AGPAT3: variants seen among roughly 807,000 people sequenced by gnomAD.
AGPAT3 encodes 1-acyl-sn-glycerol-3-phosphate acyltransferase gamma.
AGPAT3 carries 5 observed loss-of-function variants against 47.3 expected under a neutral mutation model. That is an observed-to-expected ratio of 0.11 (90% CI 0.06 to 0.22). The LOEUF (loss-of-function observed/expected upper bound fraction) is 0.22, where lower values mean the gene tolerates loss of function less well. Among genes scored for constraint, AGPAT3 ranks in the 10% least tolerant of loss-of-function variants. The pLI, the probability that AGPAT3 is intolerant of heterozygous loss-of-function variation, is 1.00. For synonymous variants in AGPAT3, 212 were observed against 208.3 expected (o/e 1.02, Z -0.15); for missense variants, 315 against 493.0 (o/e 0.64, Z 3.42).
intron 1 of AGPAT3, among the ~76,000 whole-genome samples, chr21:43,902,404 C>G (rs2086378277): frequency 6.6e-6 from 1 of 152,234 alleles, no homozygotes; most frequent in African/African-American, 2.4e-5. Context: ...GATATATACA[C>G]TGTCTTTGTC....
At chr21:43,871,607 G>C (rs1377007446) in intron 1 of AGPAT3, among the ~76,000 whole-genome samples, 1 of 152,214 alleles carries the variant, frequency 6.6e-6, no homozygotes, top group Non-Finnish European at 1.5e-5. Flanking sequence ...GCAAAGTGTT[G>C]TGCAGTTGTG....
chr21:43,965,055 G>C (rs1274243767), intron 3 of AGPAT3: 1 of 152,638 alleles, frequency 6.6e-6, no homozygotes, highest in Non-Finnish European at 1.5e-5. Flanking sequence ...CAGCCTCCTT[G>C]AGTAGCTGAG....
In AGPAT3 at chr21:43,952,005, C is replaced by T. The variant is rs1433761095; in HGVS notation, c.-48-7629C>T. On this transcript the variant is annotated intron_variant, in intron 2 of 9. Coordinates refer to ENST00000291572, the MANE Select transcript of AGPAT3 (RefSeq NM_020132.5). This position sits in a 1 kb window ranked among gnomAD's most constrained non-coding sequence, Gnocchi z 5.6. The stretch of plus-strand genomic sequence containing the variant: ...GGAAGAGGGTCACAGGGACCAGCGA[C>T]GGGGAGGAGGGTCCACATGCTGCAG... 5.3e-5 allele frequency among the ~76,000 whole-genome samples: 8 copies of T among 151,932 alleles called. No individual in the cohort carries two copies. The highest frequency in any genetic ancestry group is 1.0e-4 in the Non-Finnish European group (7 of 67,998).
At chr21:43,943,651 G>A (rs1190748283) in intron 2 of AGPAT3, among the ~76,000 whole-genome samples, 5 of 152,120 alleles carry the variant, frequency 3.3e-5, no homozygotes, top group African/African-American at 9.7e-5. Flanking sequence ...GGTTCCCTGC[G>A]CCTGGCCTGC....
At position 43,958,870 on chromosome 21, in the gene AGPAT3, GGTGT is replaced by G. The variant is rs1042795075; in HGVS notation, c.-48-760_-48-757del. On this transcript the variant is annotated intron_variant, in intron 2 of 9. Transcript: ENST00000291572. ...CATGTGTGGTTTGCGGTGTGTGTGT[GGTGT>G]GTGGTGTGTATGGTGTGTGTGTGGG... Among the ~76,000 whole-genome samples the G allele has an allele frequency of 1.5e-4, 21 of 141,772 alleles. 1 individual carries two copies. The highest frequency in any genetic ancestry group is 4.5e-4 in the African/African-American group (17 of 38,114). 93.0% of individuals were successfully genotyped at this position (141,772 alleles called of 152,430 possible). A position where few individuals can be genotyped will look rare whatever the true frequency, so the allele number is the denominator to read the frequency against.
Position 43,934,140 on chromosome 21 carries a change from T to C in AGPAT3, c.-48-25494T>C, listed in dbSNP as rs192584686. On this transcript the variant is annotated intron_variant, in intron 2 of 9. Coordinates refer to ENST00000291572, the MANE Select transcript of AGPAT3 (RefSeq NM_020132.5). This position sits in a 1 kb window ranked among gnomAD's most constrained non-coding sequence, Gnocchi z 4.7. ...CTGGATGCTGGAGAACAGGCAGACA[T>C]GGGTGCCCGGCACGCCAGCTCCCCG... is the stretch of plus-strand genomic sequence containing the variant. 5.4e-3 allele frequency among the ~76,000 whole-genome samples: 824 copies of C among 152,316 alleles called. 8 individuals carry two copies. Among genetic ancestry groups the C allele is most frequent in the African/African-American group, 0.019 (778 of 41,562 alleles).
At chr21:43,961,686 T>C (rs1340964585) in intron 3 of AGPAT3, among the ~76,000 whole-genome samples, 3 of 151,922 alleles carry the variant, frequency 2.0e-5, no homozygotes, top group African/African-American at 7.3e-5. Flanking sequence ...ATAGATACTT[T>C]GTCTCATGTG....
chr21:43,968,574 C>T (rs1361712078), intron 4 of AGPAT3, among the ~76,000 whole-genome samples: 1 of 151,882 alleles, frequency 6.6e-6, no homozygotes, highest in Non-Finnish European at 1.5e-5. Context: ...CCCTGGGGTC[C>T]GAGTCCCTGG....
rs1438593219 is a variant in AGPAT3 at position 43,985,202 on chromosome 21, C to T, written c.*2810C>T. 8.8e-6 allele frequency: 4 copies of T among 456,190 alleles called. No homozygotes were observed. The highest frequency in any genetic ancestry group is 1.4e-4 in the East Asian group (2 of 14,398). The allele number at this position is 456,190 out of a possible 1,614,324, so 28.3% of individuals were successfully genotyped here. A position where few individuals can be genotyped will look rare whatever the true frequency, so the allele number is the denominator to read the frequency against. ...TCTCCTGCCCATCTTCCCAAGGATG[C>T]CATTGCTGTCTTCATCGTCTTCCCC... On this transcript the variant is annotated 3_prime_UTR_variant, in exon 10 of 10. Coordinates refer to ENST00000291572, the MANE Select transcript of AGPAT3 (RefSeq NM_020132.5).
chr21:43,877,427 A>G (rs2085758402), intron 1 of AGPAT3, among the ~76,000 whole-genome samples: 1 of 152,218 alleles, frequency 6.6e-6, no homozygotes, highest in African/African-American at 2.4e-5. Flanking sequence ...AAAGACTAGG[A>G]AGCACCTGAA....
chr21:43,946,614 A>G (rs2082658497), intron 2 of AGPAT3, among the ~76,000 whole-genome samples: 1 of 152,150 alleles, frequency 6.6e-6, no homozygotes, highest in South Asian at 2.1e-4. Context: ...AAAAAAAAAA[A>G]AGTGCATGAG....
chr21:43,914,939 T>A (rs1228940985), intron 2 of AGPAT3, among the ~76,000 whole-genome samples: 1 of 152,366 alleles, frequency 6.6e-6, no homozygotes, highest in East Asian at 1.9e-4. Flanking sequence ...GGCCACACTT[T>A]ATAATTAATT....
chr21:43,873,371 T>A (rs1180727374), intron 1 of AGPAT3, among the ~76,000 whole-genome samples: 1 of 152,176 alleles, frequency 6.6e-6, no homozygotes, highest in African/African-American at 2.4e-5. Flanking sequence ...CCTGACTTCA[T>A]CAAGGTAAAG....
At chr21:43,942,911 C>T (rs1464455796) in intron 2 of AGPAT3, among the ~76,000 whole-genome samples, 1 of 152,216 alleles carries the variant, frequency 6.6e-6, no homozygotes. Flanking sequence ...AGAGAAAAAG[C>T]CGTCCTGGCA....
intron 1 of AGPAT3, among the ~76,000 whole-genome samples, chr21:43,869,369 G>A (rs765320984): frequency 3.3e-5 from 5 of 152,178 alleles, no homozygotes; most frequent in Admixed American, 6.5e-5. Flanking sequence ...TTTTATTAGG[G>A]AGCTACACAT....
rs554150530 is a variant in AGPAT3, at chr21:43,954,024, A to C, written c.-48-5610A>C. ...ATAAATAAATAGATGAAAAATAAAAAATAAAAATGTAGACGTCAACTTCAC... is the reference window on the plus strand; with the variant it reads ...ATAAATAAATAGATGAAAAATAAAACATAAAAATGTAGACGTCAACTTCAC... On this transcript the variant is annotated intron_variant, in intron 2 of 9. Transcript: ENST00000291572. The surrounding 1 kb of genome is among the most constrained non-coding windows in gnomAD (Gnocchi z 4.0). 1.6e-4 allele frequency among the ~76,000 whole-genome samples: 24 copies of C among 152,222 alleles called. No individual in the cohort carries two copies. The highest frequency in any genetic ancestry group is 3.4e-4 in the Non-Finnish European group (23 of 68,052).
intron 1 of AGPAT3, among the ~76,000 whole-genome samples, chr21:43,896,429 A>G (rs1350591441): frequency 1.3e-5 from 2 of 152,254 alleles, no homozygotes; most frequent in East Asian, 3.8e-4. Flanking sequence ...TAGGGGCAGC[A>G]TTGTGTGTAG....
Position 43,969,208 on chromosome 21 carries a change from A to G in AGPAT3, c.439A>G (p.Lys147Glu), listed in dbSNP as rs192358072. ...YFLEIVFCKR[K>E]WEEDRDTVVE... Reference sequence around the variant, plus strand: ...TCTGGAGATTGTGTTCTGCAAGCGGAAGTGGGAGGAGGACCGGGACACCGT... The same window carrying G: ...TCTGGAGATTGTGTTCTGCAAGCGGGAGTGGGAGGAGGACCGGGACACCGT... The change falls in exon 5 of 10, where the codon AAG becomes GAG. Residue 147 changes from lysine to glutamate, a missense_variant. By Grantham distance (56) the Lys-to-Glu change is moderately conservative. Transcript: ENST00000291572. 1 of 1,614,128 alleles carries G rather than the reference A, an allele frequency of 6.2e-7. No individual in the cohort carries two copies. The highest frequency in any genetic ancestry group is 8.5e-7 in the Non-Finnish European group (1 of 1,180,010).
intron 2 of AGPAT3, among the ~76,000 whole-genome samples, chr21:43,935,710 A>AT (rs758192975): frequency 3.4e-4 from 50 of 147,922 alleles, no homozygotes; most frequent in African/African-American, 7.7e-4. Flanking sequence ...CCAGGAAGGG[A>AT]TTTTTTTTTT....
Sources: gnomAD v4.1 joint callset for allele counts (sites outside exome capture counted in the v4.1 genomes callset) on GRCh38, gnomAD v4.1.1 for gene constraint, Gnocchi (gnomAD v3.1) non-coding constraint, MANE v1.5 for transcripts, NCBI Gene and HGNC (gene_info 2026-07-23, HGNC 2026-07-21) for gene names.